Variants in CLYBL observed in about 807,000 individuals in gnomAD.
The protein encoded by CLYBL is citramalyl-CoA lyase, mitochondrial.
A neutral mutation model predicts 38.9 loss-of-function variants in CLYBL; 31 were observed. The observed-to-expected ratio is 0.80, with a 90% CI of 0.60 to 1.08. The LOEUF is 1.08. CLYBL is among the 50% of genes least tolerant of loss of function. CLYBL has a pLI of 0.00. For missense variants in CLYBL, 434 were observed against 411.6 expected, an observed-to-expected ratio of 1.05 and a Z score of -0.47; for synonymous variants, 171 against 158.6, an observed-to-expected ratio of 1.08 and a Z score of -0.59.
At chr13:99,833,751 G>A (rs888643639) in intron 2 of CLYBL, among the ~76,000 whole-genome samples, 12 of 141,108 alleles carry the variant, frequency 8.5e-5, no homozygotes, top group Non-Finnish European at 1.4e-4. Context: ...GTGCAGTGGC[G>A]CAATCTCGGC....
At position 99,759,013 on chromosome 13, in the gene CLYBL, A is replaced by G. The variant is rs1372170042; in HGVS notation, c.63-13811A>G. ...TGAGGGGCACAAGAGGGGCTGGGCC[A>G]GTCATGCTCTACACTGTGCTGCAGC... On this transcript the variant is annotated intron_variant, in intron 1 of 8. Transcript: ENST00000339105. 3.9e-5 allele frequency among the ~76,000 whole-genome samples: 6 copies of G among 152,136 alleles called. No homozygotes were observed. The East Asian group carries it at 1.2e-3, about 29-fold the overall frequency.
Position 99,850,647 on chromosome 13 carries a change from T to C in CLYBL, c.250-8214T>C, listed in dbSNP as rs575916929. On this transcript the variant is annotated intron_variant, in intron 2 of 8. Coordinates refer to ENST00000339105, the MANE Select transcript of CLYBL (RefSeq NM_206808.5). ...CTCAAAAAGCTAAACGCAGAATTAC[T>C]ATATGATCCAGCAATTCTACTCCTA... is the stretch of plus-strand genomic sequence containing the variant. Among the ~76,000 whole-genome samples the C allele has an allele frequency of 3.4e-3, 519 of 152,294 alleles. 8 individuals carry two copies. The highest frequency in any genetic ancestry group is 9.7e-3 in the African/African-American group (403 of 41,568).
At chr13:99,794,158 T>C (rs1483870430) in intron 2 of CLYBL, among the ~76,000 whole-genome samples, 3 of 152,204 alleles carry the variant, frequency 2.0e-5, no homozygotes, top group Non-Finnish European at 4.4e-5. Context: ...CCGTGGCTCA[T>C]GCCTGTAATC....
At chr13:99,818,533 A>G (rs1204536637) in intron 2 of CLYBL, among the ~76,000 whole-genome samples, 1 of 152,044 alleles carries the variant, frequency 6.6e-6, no homozygotes, top group Non-Finnish European at 1.5e-5. Context: ...ATGAACAGGA[A>G]AGGCACTACT....
chr13:99,682,658 A>G (rs879502937), intron 1 of CLYBL, among the ~76,000 whole-genome samples: 8 of 152,116 alleles, frequency 5.3e-5, no homozygotes, highest in Non-Finnish European at 1.0e-4. Flanking sequence ...TGTAAACACT[A>G]TATACTTAGA....
At chr13:99,847,937 C>G (rs867515574) in intron 2 of CLYBL, among the ~76,000 whole-genome samples, 4 of 152,206 alleles carry the variant, frequency 2.6e-5, no homozygotes, top group Non-Finnish European at 4.4e-5. Flanking sequence ...TGCCCCTGCC[C>G]TTCAGGGCTC....
chr13:99,709,080 G>A (rs978420978), intron 1 of CLYBL, among the ~76,000 whole-genome samples: 1 of 152,012 alleles, frequency 6.6e-6, no homozygotes, highest in African/African-American at 2.4e-5. Context: ...GCGGCAGAGC[G>A]AGACTCTGTC....
intron 1 of CLYBL, among the ~76,000 whole-genome samples, chr13:99,719,638 C>T (rs966426374): frequency 2.6e-5 from 4 of 152,064 alleles, no homozygotes; most frequent in Non-Finnish European, 5.9e-5. Flanking sequence ...TCCCTAGTAG[C>T]TTGGATTACA....
chr13:99,641,099 A>T (rs2047086492), intron 1 of CLYBL, among the ~76,000 whole-genome samples: 1 of 152,222 alleles, frequency 6.6e-6, no homozygotes, highest in African/African-American at 2.4e-5. Context: ...GCGTTCTCTG[A>T]ATATTCTTGC....
intron 2 of CLYBL, among the ~76,000 whole-genome samples, chr13:99,824,257 G>GCCTCCCCCCCC (rs2050646417): frequency 1.5e-5 from 2 of 130,414 alleles, no homozygotes; most frequent in African/African-American, 2.9e-5. Context: ...CTGACTAATA[G>GCCTCCCCCCCC]CCCCCCCCAC....
chr13:99,659,080 C>T (rs1594105715), intron 1 of CLYBL, among the ~76,000 whole-genome samples: 1 of 152,208 alleles, frequency 6.6e-6, no homozygotes, highest in Admixed American at 6.5e-5. Context: ...TTTTTATGCT[C>T]TTTCCTAAAC....
At chr13:99,774,423 C>T (rs2049467127) in intron 2 of CLYBL, among the ~76,000 whole-genome samples, 1 of 152,084 alleles carries the variant, frequency 6.6e-6, no homozygotes, top group Non-Finnish European at 1.5e-5. Flanking sequence ...CTTACATTTG[C>T]ATGGAACTTT....
intron 1 of CLYBL, among the ~76,000 whole-genome samples, chr13:99,624,233 G>A (rs1340644597): frequency 6.6e-6 from 1 of 152,130 alleles, no homozygotes; most frequent in African/African-American, 2.4e-5. Context: ...CCTGCACTGG[G>A]CTGGAAACTC....
chr13:99,890,540 A>G (rs549881794), intron 7 of CLYBL, among the ~76,000 whole-genome samples: 2 of 152,246 alleles, frequency 1.3e-5, no homozygotes, highest in Non-Finnish European at 2.9e-5. Context: ...ACCTTGGCTC[A>G]CTGCAACCTC....
chr13:99,657,246 A>G (rs2047342478), intron 1 of CLYBL, among the ~76,000 whole-genome samples: 1 of 152,226 alleles, frequency 6.6e-6, no homozygotes, highest in Non-Finnish European at 1.5e-5. Flanking sequence ...AGGGAAAAGG[A>G]TCTTGTATTT....
chr13:99,903,843 T>A (rs939051118), intron 8 of CLYBL, among the ~76,000 whole-genome samples: 1 of 152,152 alleles, frequency 6.6e-6, no homozygotes, highest in Non-Finnish European at 1.5e-5. Flanking sequence ...AATTACAGTC[T>A]GAGCAGCAAA....
intron 1 of CLYBL, among the ~76,000 whole-genome samples, chr13:99,676,027 T>A (rs1177667372): frequency 6.6e-6 from 1 of 152,128 alleles, no homozygotes; most frequent in African/African-American, 2.4e-5. Context: ...GCTAATTTTT[T>A]GTATTTTTAG....
intron 1 of CLYBL, among the ~76,000 whole-genome samples, chr13:99,762,251 C>T (rs1426898458): frequency 6.6e-6 from 1 of 152,066 alleles, no homozygotes; most frequent in Non-Finnish European, 1.5e-5. Context: ...AGACCAATGT[C>T]CTGGAGCATT....
At chr13:99,623,831 T>C (rs1212687916) in intron 1 of CLYBL, among the ~76,000 whole-genome samples, 1 of 151,820 alleles carries the variant, frequency 6.6e-6, no homozygotes, top group Non-Finnish European at 1.5e-5. Context: ...TGGTGGTGCA[T>C]ACCTGTAATC....
Sources: allele counts gnomAD v4.1 joint callset (sites outside exome capture counted in the v4.1 genomes callset), GRCh38; gene constraint gnomAD v4.1.1; transcripts MANE v1.5; gene names NCBI Gene and HGNC (gene_info 2026-07-23, HGNC 2026-07-21).